UBE2J1: variants seen among roughly 807,000 people sequenced by gnomAD.
UBE2J1 encodes ubiquitin conjugating enzyme E2 J1.
In UBE2J1, 17 loss-of-function variants were observed where a neutral mutation model predicts 42.1. The ratio of observed to expected loss-of-function variants is 0.40; its 90% confidence interval spans 0.28 to 0.61. UBE2J1 has a LOEUF of 0.61. UBE2J1 is among the 20% of genes least tolerant of loss of function. The pLI is 0.38. For synonymous variants in UBE2J1, 127 were observed against 137.2 expected (o/e 0.93, Z 0.52); for missense variants, 291 against 389.4 (o/e 0.75, Z 2.13).
Position 89,327,366 on chromosome 6 carries a change from T to C in UBE2J1, c.*2313A>G, listed in dbSNP as rs1187449845. On this transcript the variant is annotated 3_prime_UTR_variant, in exon 8 of 8. Coordinates refer to ENST00000435041, the MANE Select transcript of UBE2J1 (RefSeq NM_016021.3). ...GTATGCTGGAATTAAGGAGTTAAAG[T>C]AGGGCTTTAAAGATAATAGTTTTCT... 2 of 152,172 alleles carry C rather than the reference T, an allele frequency of 1.3e-5. No individual in the cohort carries two copies. Among genetic ancestry groups the C allele is most frequent in the South Asian group, 2.1e-4 (1 of 4,834 alleles). 9.4% of individuals were successfully genotyped at this position (152,172 alleles called of 1,614,324 possible). A position where few individuals can be genotyped will look rare whatever the true frequency, so the allele number is the denominator to read the frequency against.
chr6:89,345,214 G>A (rs1768336143), intron 1 of UBE2J1, among the ~76,000 whole-genome samples: 2 of 152,202 alleles, frequency 1.3e-5, no homozygotes, highest in South Asian at 4.1e-4. Context: ...TAGAGGCACA[G>A]GTTGGAATGT....
In UBE2J1 at chr6:89,336,402, C is replaced by T. The variant is rs569943013; in HGVS notation, c.429-971G>A. Among the ~76,000 whole-genome samples the T allele has an allele frequency of 1.2e-3, 179 of 152,178 alleles. 1 individual carries two copies. The highest frequency in any genetic ancestry group is 4.2e-3 in the African/African-American group (173 of 41,522). Reference sequence around the variant, plus strand: ...ACCTCCCAGACCCCAGTGATCTTCCCACTTCAGCCTCCCAAGTAGCTAGGA... The same window carrying T: ...ACCTCCCAGACCCCAGTGATCTTCCTACTTCAGCCTCCCAAGTAGCTAGGA... On this transcript the variant is annotated intron_variant, in intron 5 of 7. Coordinates refer to ENST00000435041, the MANE Select transcript of UBE2J1 (RefSeq NM_016021.3).
rs545764758 is a variant in UBE2J1 at position 89,326,829 on chromosome 6, T to C, written c.*2850A>G. ...ATATACTTCCAATTAAAAAAACACA[T>C]AGGCTTTTCAGTATTTTGGCCTAGA... On this transcript the variant is annotated 3_prime_UTR_variant, in exon 8 of 8. Coordinates refer to ENST00000435041, the MANE Select transcript of UBE2J1 (RefSeq NM_016021.3). 6.6e-6 allele frequency: 1 copy of C among 152,176 alleles called. No homozygotes were observed. The highest frequency in any genetic ancestry group is 6.5e-5 in the Admixed American group (1 of 15,286). The allele number at this position is 152,176 out of a possible 1,614,324, so 9.4% of individuals were successfully genotyped here. A position where few individuals can be genotyped will look rare whatever the true frequency, so the allele number is the denominator to read the frequency against.
intron 3 of UBE2J1, among the ~76,000 whole-genome samples, chr6:89,339,622 AAG>A: frequency 1.1e-3 from 1 of 944 alleles, no homozygotes; most frequent in Admixed American, 7.5e-3. Context: ...GGGGAGGGGG[AAG>A]GGGAGGAGGG....
chr6:89,350,845 A>G (rs1768461757), intron 1 of UBE2J1, among the ~76,000 whole-genome samples: 1 of 152,092 alleles, frequency 6.6e-6, no homozygotes, highest in South Asian at 2.1e-4. Flanking sequence ...AAACTGCACT[A>G]CTACTCACAT....
intron 1 of UBE2J1, among the ~76,000 whole-genome samples, chr6:89,349,022 G>C (rs1768414450): frequency 6.6e-6 from 1 of 152,202 alleles, no homozygotes; most frequent in Admixed American, 6.5e-5. Flanking sequence ...GAACACTTGA[G>C]CTCAGGCGTT....
chr6:89,346,887 T>C (rs1020024352), intron 1 of UBE2J1, among the ~76,000 whole-genome samples: 5 of 152,166 alleles, frequency 3.3e-5, no homozygotes, highest in African/African-American at 1.2e-4. Flanking sequence ...TGCTAAGCAA[T>C]AGTAATGACA....
chr6:89,352,515 C>A, intron 1 of UBE2J1, 24 bp downstream of exon 1: 1 of 1,562,400 alleles, frequency 6.4e-7, no homozygotes. Flanking sequence ...GCCCTCCTCG[C>A]CCAGGGGCCC....
intron 1 of UBE2J1, among the ~76,000 whole-genome samples, chr6:89,350,064 C>A (rs1027137343): frequency 1.3e-5 from 2 of 152,120 alleles, no homozygotes; most frequent in African/African-American, 2.4e-5. Context: ...CAACTACTGA[C>A]AACTACCACA....
chr6:89,342,467 C>T lies in UBE2J1; in HGVS notation c.106-12G>A. 1 of 1,583,550 alleles carries T rather than the reference C, an allele frequency of 6.3e-7. No homozygotes were observed. Among genetic ancestry groups the T allele is most frequent in the South Asian group, 1.2e-5 (1 of 85,938 alleles). On this transcript the variant is annotated splice_polypyrimidine_tract_variant and intron_variant, in intron 2 of 7. Coordinates refer to ENST00000435041, the MANE Select transcript of UBE2J1 (RefSeq NM_016021.3). ...TCAAAAAGGTTATCCTGAACAAAAACAATAATCCACAAGGAATTAATAATA... is the reference window on the plus strand; with the variant it reads ...TCAAAAAGGTTATCCTGAACAAAAATAATAATCCACAAGGAATTAATAATA...
intron 3 of UBE2J1, 110 bp from the exon 4 acceptor site, chr6:89,338,653 G>GTTTTTTTT (rs1486254673): frequency 9.1e-5 from 11 of 120,568 alleles, no homozygotes; most frequent in African/African-American, 3.1e-4. Context: ...ATCTTAAAAA[G>GTTTTTTTT]TTTGTTTTTT....
Position 89,352,714 on chromosome 6 carries a change from G to A in UBE2J1, c.-145C>T. 4.5e-6 allele frequency: 4 copies of A among 893,788 alleles called. No homozygotes were observed. Among genetic ancestry groups the A allele is most frequent in the Non-Finnish European group, 4.6e-6 (3 of 646,176 alleles). The allele number at this position is 893,788 out of a possible 1,614,324, so 55.4% of individuals were successfully genotyped here. ...TGCCGCCCAGTCCAGCCTGGACTGC[G>A]GGCGGGGTGGCAAGGCTGAGTGCGG... On this transcript the variant is annotated 5_prime_UTR_variant, in exon 1 of 8. Transcript: ENST00000435041.
At chr6:89,338,956 C>A (rs764416899) in intron 3 of UBE2J1, among the ~76,000 whole-genome samples, 2 of 151,482 alleles carry the variant, frequency 1.3e-5, no homozygotes, top group Admixed American at 1.3e-4. Context: ...TGAGCCACCG[C>A]GCCCGGCCAA....
chr6:89,348,603 T>G (rs911259880), intron 1 of UBE2J1, among the ~76,000 whole-genome samples: 1 of 152,126 alleles, frequency 6.6e-6, no homozygotes, highest in African/African-American at 2.4e-5. Context: ...ACCCTGCAAA[T>G]GTATCAGTTC....
chr6:89,342,801 CTA>C (rs1029981422), intron 2 of UBE2J1, among the ~76,000 whole-genome samples: 2 of 151,990 alleles, frequency 1.3e-5, no homozygotes, highest in African/African-American at 2.4e-5. Context: ...CAAAAAATTA[CTA>C]TGTTTGGGTT....
chr6:89,333,866 C>G (rs73506039), intron 6 of UBE2J1, among the ~76,000 whole-genome samples: 4 of 152,124 alleles, frequency 2.6e-5, no homozygotes, highest in African/African-American at 4.8e-5. Context: ...GAAAGACAGA[C>G]AGTCCATAGA....
chr6:89,337,117 A>C (rs903710048), intron 5 of UBE2J1, among the ~76,000 whole-genome samples: 3 of 152,174 alleles, frequency 2.0e-5, no homozygotes, highest in African/African-American at 7.2e-5. Context: ...CTGGGATTAC[A>C]AGTGTGAGCC....
At position 89,351,505 on chromosome 6, in the gene UBE2J1, T is replaced by C. The variant is rs145088894; in HGVS notation, c.31+1034A>G. 1.7e-3 allele frequency among the ~76,000 whole-genome samples: 257 copies of C among 152,320 alleles called. 2 individuals are homozygous for C. Among genetic ancestry groups the C allele is most frequent in the African/African-American group, 5.9e-3 (246 of 41,572 alleles). ...TCCAATCAATATCCTCAGGCTTTTC[T>C]GGGGTTTTTGCATATTCTGAAACCT... On this transcript the variant is annotated intron_variant, in intron 1 of 7. Transcript: ENST00000435041.
rs1767974580 is a variant in UBE2J1, at chr6:89,329,868, C to T, written c.768G>A (p.Arg256=). The T allele has an allele frequency of 4.3e-6, 7 of 1,614,000 alleles. No individual in the cohort carries two copies. Among genetic ancestry groups the T allele is most frequent in the Non-Finnish European group, 5.9e-6 (7 of 1,179,986 alleles). The change falls in exon 8 of 8, where the codon CGG becomes CGA. Residue 256 remains arginine (R), a synonymous_variant. Coordinates refer to ENST00000435041, the MANE Select transcript of UBE2J1 (RefSeq NM_016021.3). ...KNTSMSPRQR[R]AQQQSQRRLS... ...ACCTTCTCTGACTCTGCTGCTGGGC[C>T]CGGCGCTGTCGAGGGCTCATGGAGG...
Sources: allele counts gnomAD v4.1 joint callset (sites outside exome capture counted in the v4.1 genomes callset), GRCh38; gene constraint gnomAD v4.1.1; transcripts MANE v1.5; gene names NCBI Gene and HGNC (gene_info 2026-07-23, HGNC 2026-07-21).